Variants in WDHD1 observed in about 807,000 individuals in gnomAD.
WDHD1 encodes the protein WD repeat and HMG-box DNA binding protein 1.
WDHD1 carries 111 observed loss-of-function variants against 135.4 expected under a neutral mutation model. That is an observed-to-expected ratio of 0.82 (90% confidence interval 0.70 to 0.96). WDHD1 has a LOEUF of 0.96. WDHD1 is among the 40% of genes least tolerant of loss of function. The probability of loss-of-function intolerance (pLI) is 0.00; values close to 1 mark genes in which losing one functional copy is unlikely to be tolerated. For synonymous variants in WDHD1, 434 were observed against 439.0 expected (o/e 0.99, Z 0.14); for missense variants, 1,351 against 1,336.3 (o/e 1.01, Z -0.17).
At chr14:54,943,102 C>G (rs2040864397) in intron 25 of WDHD1, among the ~76,000 whole-genome samples, 1 of 152,224 alleles carries the variant, frequency 6.6e-6, no homozygotes, top group Non-Finnish European at 1.5e-5. Context: ...GTGCTGCGCC[C>G]TGCCATTCCT....
Position 54,941,156 on chromosome 14 carries a change from T to C in WDHD1, c.*334A>G, listed in dbSNP as rs1439256043. On this transcript the variant is annotated 3_prime_UTR_variant, in exon 26 of 26. Coordinates refer to ENST00000360586, the MANE Select transcript of WDHD1 (RefSeq NM_007086.4). Reference sequence around the variant, plus strand: ...CCAAATGAACCAAACCCCTAGAAGGTATTAATGCACAAAGGTTTTAATACC... The same window carrying C: ...CCAAATGAACCAAACCCCTAGAAGGCATTAATGCACAAAGGTTTTAATACC... The C allele has an allele frequency of 5.4e-6, 1 of 185,538 alleles. No individual in the cohort carries two copies. The highest frequency in any genetic ancestry group is 1.1e-5 in the Non-Finnish European group (1 of 89,538). 11.5% of individuals were successfully genotyped at this position (185,538 alleles called of 1,614,324 possible). A position where few individuals can be genotyped will look rare whatever the true frequency, so the allele number is the denominator to read the frequency against.
chr14:54,942,094 C>CA (rs1490166717), intron 25 of WDHD1, among the ~76,000 whole-genome samples: 4 of 151,554 alleles, frequency 2.6e-5, no homozygotes, highest in South Asian at 2.1e-4. Context: ...ACTAAAAATA[C>CA]AAAAAAATTA....
chr14:54,961,325 A>T (rs994835316), intron 21 of WDHD1, among the ~76,000 whole-genome samples: 3 of 152,108 alleles, frequency 2.0e-5, no homozygotes, highest in African/African-American at 7.2e-5. Context: ...CTCTATTAAA[A>T]AAAATAAAAT....
intron 6 of WDHD1, 75 bp downstream of exon 6, chr14:55,008,241 G>C (rs2042105016): frequency 7.3e-7 from 1 of 1,362,660 alleles, no homozygotes; most frequent in African/African-American, 1.4e-5. Flanking sequence ...TTATTAATTT[G>C]GCCCAGTAAT....
At chr14:55,005,419 A>G (rs534043212) in intron 7 of WDHD1, 23 of 570,714 alleles carry the variant, frequency 4.0e-5, no homozygotes, top group African/African-American at 3.5e-4. Context: ...TGGCAGCAGC[A>G]AACTTCAGCA....
At chr14:54,971,661 T>C (rs1248043244) in intron 16 of WDHD1, among the ~76,000 whole-genome samples, 1 of 138,936 alleles carries the variant, frequency 7.2e-6, no homozygotes, top group Non-Finnish European at 1.5e-5. Context: ...TGAGCCATGA[T>C]CTCATCTCAC....
chr14:54,986,199 C>T (rs932584553), intron 14 of WDHD1, among the ~76,000 whole-genome samples: 1 of 152,026 alleles, frequency 6.6e-6, no homozygotes, highest in African/African-American at 2.4e-5. Flanking sequence ...TAATTTGCAA[C>T]TAGCATTTTA....
rs1266316386 is a variant in WDHD1, at chr14:54,954,108, GTATT to G, written c.3050+1449_3050+1452del. On this transcript the variant is annotated intron_variant, in intron 24 of 25. Coordinates refer to ENST00000360586, the MANE Select transcript of WDHD1 (RefSeq NM_007086.4). ...TGCACATGTACCCTAGAGCTTAAAA[GTATT>G]TAAAAAAAAAAAAAAGATATAAAAT... 2.1e-5 allele frequency among the ~76,000 whole-genome samples: 3 copies of G among 145,908 alleles called. No homozygotes were observed. In the East Asian group the frequency reaches 5.9e-4, roughly 28 times the overall value.
At chr14:54,947,055 G>A (rs1430322911) in intron 24 of WDHD1, among the ~76,000 whole-genome samples, 3 of 150,432 alleles carry the variant, frequency 2.0e-5, no homozygotes, top group African/African-American at 4.9e-5. Flanking sequence ...AAAGTGTTAG[G>A]CGGGCCAGGC....
intron 10 of WDHD1, 111 bp downstream of exon 10, chr14:55,000,392 A>G (rs772155946): frequency 1.3e-5 from 15 of 1,143,504 alleles, no homozygotes; most frequent in Non-Finnish European, 1.8e-5. Context: ...CATCTACTAT[A>G]GTAACATGAA....
chr14:55,013,957 C>T (rs1240778693), intron 2 of WDHD1, among the ~76,000 whole-genome samples: 1 of 152,006 alleles, frequency 6.6e-6, no homozygotes, highest in African/African-American at 2.4e-5. Context: ...TTTTGGAATG[C>T]TACTTCTATA....
At chr14:54,955,510 C>A in intron 24 of WDHD1, 51 bp downstream of exon 24, 1 of 1,442,168 alleles carries the variant, frequency 6.9e-7, no homozygotes, top group Non-Finnish European at 9.1e-7. Context: ...ATTGCTGCTA[C>A]TGTATACTTT....
chr14:54,971,831 A>G (rs753782686), intron 16 of WDHD1, among the ~76,000 whole-genome samples: 6 of 152,120 alleles, frequency 3.9e-5, no homozygotes, highest in Non-Finnish European at 7.4e-5. Context: ...AAAAATCAGC[A>G]GCAAAAAACA....
In WDHD1 at chr14:54,962,871, T is replaced by G; in HGVS notation, c.2532-18A>C. 7 of 1,611,166 alleles carry G rather than the reference T, an allele frequency of 4.3e-6. No individual in the cohort carries two copies. The highest frequency in any genetic ancestry group is 5.1e-6 in the Non-Finnish European group (6 of 1,179,522). ...TGCTGTAACTAAGAGAAAATAATAT[T>G]ATTCAATAAAGAGCTATGCAAAGAC... On this transcript the variant is annotated intron_variant, in intron 19 of 25. Coordinates refer to ENST00000360586, the MANE Select transcript of WDHD1 (RefSeq NM_007086.4).
At chr14:55,005,438 G>GCAT in intron 7 of WDHD1, 1 of 569,204 alleles carries the variant, frequency 1.8e-6, no homozygotes, top group Non-Finnish European at 3.4e-6. Context: ...CATGGCCTTC[G>GCAT]GACCAGTATT....
intron 7 of WDHD1, among the ~76,000 whole-genome samples, chr14:55,002,445 A>G (rs953602550): frequency 2.0e-5 from 3 of 152,124 alleles, no homozygotes; most frequent in Admixed American, 6.6e-5. Flanking sequence ...GCAAATCTGT[A>G]TTTTAATTGG....
intron 24 of WDHD1, among the ~76,000 whole-genome samples, chr14:54,954,874 C>T (rs1166875007): frequency 6.6e-6 from 1 of 152,128 alleles, no homozygotes; most frequent in East Asian, 1.9e-4. Context: ...GGATTACAGG[C>T]ATGTGCCACC....
intron 20 of WDHD1, 49 bp from the exon 21 acceptor site, chr14:54,962,600 A>T (rs2041269832): frequency 6.5e-7 from 1 of 1,534,522 alleles, no homozygotes; most frequent in Admixed American, 1.8e-5. Flanking sequence ...AAATATAGTC[A>T]TCCTCAATAT....
intron 25 of WDHD1, among the ~76,000 whole-genome samples, chr14:54,943,649 T>C (rs1005245145): frequency 1.1e-4 from 17 of 152,158 alleles, no homozygotes; most frequent in Non-Finnish European, 2.1e-4. Context: ...CCTCCTGCCT[T>C]GGCCTCCCAA....
Sources: allele counts gnomAD v4.1 joint callset (sites outside exome capture counted in the v4.1 genomes callset), GRCh38; gene constraint gnomAD v4.1.1; transcripts MANE v1.5; gene names NCBI Gene and HGNC (gene_info 2026-07-23, HGNC 2026-07-21).